The following TNFSF4 variants were observed in gnomAD, a reference collection of about 807,000 sequenced individuals.
TNFSF4 encodes the protein TNF superfamily member 4.
In TNFSF4, 4 loss-of-function variants were observed where a neutral mutation model predicts 7.3. The observed-to-expected ratio is 0.55, with a 90% CI of 0.27 to 1.25. The LOEUF (loss-of-function observed/expected upper bound fraction) is 1.25. Among genes scored for constraint, TNFSF4 ranks in the 50% most tolerant of loss-of-function variants. The probability of loss-of-function intolerance (pLI) is 0.12; values close to 1 mark genes in which losing one functional copy is unlikely to be tolerated. For synonymous variants in TNFSF4, 76 were observed against 83.7 expected (o/e 0.91, Z 0.50); for missense variants, 181 against 208.8 (o/e 0.87, Z 0.82).
At position 173,185,898 on chromosome 1, in the gene TNFSF4, G is replaced by T. The variant is rs1034716860; in HGVS notation, c.*618C>A. The T allele has an allele frequency of 1.3e-5, 2 of 152,192 alleles. No homozygotes were observed. The highest frequency in any genetic ancestry group is 4.8e-5 in the African/African-American group (2 of 41,452). 9.4% of individuals were successfully genotyped at this position (152,192 alleles called of 1,614,324 possible). On this transcript the variant is annotated 3_prime_UTR_variant, in exon 3 of 3. Transcript: ENST00000281834. Reference sequence around the variant, plus strand: ...AAATGGTAAAGAAAAAAAGCACGTGGTATTTCTTAGACGGCTCTCTTCAAG... The same window carrying T: ...AAATGGTAAAGAAAAAAAGCACGTGTTATTTCTTAGACGGCTCTCTTCAAG...
chr1:173,409,984 A>C, the TNFSF4 span, among the ~76,000 whole-genome samples: 1 of 152,166 alleles, frequency 6.6e-6, no homozygotes, highest in African/African-American at 2.4e-5. Context: ...TTTTTAAAAA[A>C]CCAGGTGCAG....
intron 2 of TNFSF4, 97 bp downstream of exon 2, chr1:173,188,424 A>T (rs1438805330): frequency 1.0e-5 from 10 of 973,378 alleles, no homozygotes; most frequent in Non-Finnish European, 1.6e-5. Context: ...TCCTTCCCTT[A>T]GGAAAAGAAG....
the TNFSF4 span, among the ~76,000 whole-genome samples, chr1:173,444,778 T>C: frequency 1.3e-5 from 2 of 152,080 alleles, no homozygotes; most frequent in Admixed American, 6.6e-5. Flanking sequence ...AGAGGCTAAA[T>C]AAATGAACTG....
the TNFSF4 span, among the ~76,000 whole-genome samples, chr1:173,412,465 A>G: frequency 6.6e-6 from 1 of 152,282 alleles, no homozygotes. Flanking sequence ...TTTTCTAAAT[A>G]GAACAAATTA....
chr1:173,348,114 T>G, the TNFSF4 span, among the ~76,000 whole-genome samples: 1 of 152,180 alleles, frequency 6.6e-6, no homozygotes, highest in African/African-American at 2.4e-5. Context: ...ATCAATAATC[T>G]AAGTACCTAA....
At chr1:173,377,356 C>A in the TNFSF4 span, among the ~76,000 whole-genome samples, 1 of 152,276 alleles carries the variant, frequency 6.6e-6, no homozygotes, top group African/African-American at 2.4e-5. Flanking sequence ...TGGAAAAGGG[C>A]TCTCTAACAA....
the TNFSF4 span, among the ~76,000 whole-genome samples, chr1:173,385,947 G>A: frequency 6.6e-6 from 1 of 152,222 alleles, no homozygotes; most frequent in South Asian, 2.1e-4. Flanking sequence ...GTATTAGGAA[G>A]AGAACACTAG....
chr1:173,305,038 T>C, the TNFSF4 span, among the ~76,000 whole-genome samples: 4 of 151,908 alleles, frequency 2.6e-5, no homozygotes, highest in African/African-American at 9.7e-5. Context: ...CATAATCCCC[T>C]AGGAATTCAC....
chr1:173,394,528 A>C, the TNFSF4 span, among the ~76,000 whole-genome samples: 1 of 152,232 alleles, frequency 6.6e-6, no homozygotes, highest in African/African-American at 2.4e-5. Context: ...AGATGAGATT[A>C]GCGTTTGAAT....
chr1:173,298,300 G>A, the TNFSF4 span, among the ~76,000 whole-genome samples: 1 of 151,934 alleles, frequency 6.6e-6, no homozygotes, highest in Non-Finnish European at 1.5e-5. Context: ...TATGATTGCT[G>A]TTTACCTGGT....
chr1:173,385,364 A>G, the TNFSF4 span, among the ~76,000 whole-genome samples: 1 of 152,258 alleles, frequency 6.6e-6, no homozygotes, highest in Non-Finnish European at 1.5e-5. Flanking sequence ...AGAAAAAACT[A>G]TAAGAAATAT....
At position 173,184,772 on chromosome 1, in the gene TNFSF4, C is replaced by T. The variant is rs879061308; in HGVS notation, c.*1744G>A. 1 of 152,236 alleles carries T rather than the reference C, an allele frequency of 6.6e-6. No individual in the cohort carries two copies. Among genetic ancestry groups the T allele is most frequent in the Admixed American group, 6.5e-5 (1 of 15,290 alleles). 9.4% of individuals were successfully genotyped at this position (152,236 alleles called of 1,614,324 possible). A position where few individuals can be genotyped will look rare whatever the true frequency, so the allele number is the denominator to read the frequency against. ...AGTGAAGCCAGATATCATTGAATATCTGTCTCAGAATGATTCTTGTAAATG... is the reference window on the plus strand; with the variant it reads ...AGTGAAGCCAGATATCATTGAATATTTGTCTCAGAATGATTCTTGTAAATG... On this transcript the variant is annotated 3_prime_UTR_variant, in exon 3 of 3. Transcript: ENST00000281834.
the TNFSF4 span, among the ~76,000 whole-genome samples, chr1:173,323,323 G>T: frequency 6.6e-6 from 1 of 152,188 alleles, no homozygotes; most frequent in African/African-American, 2.4e-5. Context: ...GCAGCTGAGG[G>T]TCCTGACTAT....
chr1:173,193,852 C>T (rs1649588179), intron 1 of TNFSF4, among the ~76,000 whole-genome samples: 1 of 151,108 alleles, frequency 6.6e-6, no homozygotes, highest in South Asian at 2.1e-4. Context: ...ATGTAATGTA[C>T]AAGCGTCATG....
the TNFSF4 span, among the ~76,000 whole-genome samples, chr1:173,261,628 A>G: frequency 6.6e-6 from 1 of 152,122 alleles, no homozygotes; most frequent in Admixed American, 6.5e-5. Flanking sequence ...TAGACATAAT[A>G]AAAAATGATA....
intron 1 of TNFSF4, among the ~76,000 whole-genome samples, chr1:173,201,741 T>C (rs183892675): frequency 4.1e-4 from 63 of 152,290 alleles, no homozygotes; most frequent in Middle Eastern, 3.4e-3. Flanking sequence ...GCAAATGTTT[T>C]AATTCCTTTG....
chr1:173,176,513 C>T, the TNFSF4 span, among the ~76,000 whole-genome samples: 1 of 152,186 alleles, frequency 6.6e-6, no homozygotes, highest in East Asian at 1.9e-4. Context: ...TGCTTATACG[C>T]TGCTGGAGGG....
At chr1:173,420,421 C>G in the TNFSF4 span, among the ~76,000 whole-genome samples, 1 of 152,200 alleles carries the variant, frequency 6.6e-6, no homozygotes, top group Non-Finnish European at 1.5e-5. Flanking sequence ...CTTGACGGCT[C>G]TTACTGTCAT....
At chr1:173,350,837 T>A in the TNFSF4 span, among the ~76,000 whole-genome samples, 440 of 152,300 alleles carry the variant, frequency 2.9e-3, 3 homozygotes, top group African/African-American at 0.01. Context: ...CTTGGCCAGA[T>A]GTAGTCACCT....
Sources: allele counts gnomAD v4.1 joint callset (sites outside exome capture counted in the v4.1 genomes callset), GRCh38; gene constraint gnomAD v4.1.1; transcripts MANE v1.5; gene names NCBI Gene and HGNC (gene_info 2026-07-23, HGNC 2026-07-21).